The following TSPEAR variants were observed in gnomAD, a reference collection of about 807,000 sequenced individuals.
TSPEAR encodes the protein thrombospondin type laminin G domain and EAR repeats.
Under a neutral mutation model 71.6 loss-of-function variants are expected in TSPEAR, and 69 were observed. That is an observed-to-expected ratio of 0.96 (90% CI 0.79 to 1.18). The LOEUF (loss-of-function observed/expected upper bound fraction) is 1.18. TSPEAR is among the 50% of genes most tolerant of loss of function. The pLI, the probability that TSPEAR is intolerant of heterozygous loss-of-function variation, is 0.00. For missense variants in TSPEAR, 971 were observed against 894.9 expected (o/e 1.09, Z -1.09); for synonymous variants, 402 against 387.2 (o/e 1.04, Z -0.45).
chr21:44,681,676 C>A, intron 1 of TSPEAR: 1 of 1,031,066 alleles, frequency 9.7e-7, no homozygotes, highest in Non-Finnish European at 1.4e-6. Flanking sequence ...GCCAGGGCTC[C>A]AGATCATTCT....
intron 4 of TSPEAR, 49 bp from the exon 5 acceptor site, chr21:44,530,003 C>T (rs1555915561): frequency 1.3e-6 from 2 of 1,491,398 alleles, no homozygotes; most frequent in Admixed American, 4.5e-5. Flanking sequence ...TGGGGAAGGA[C>T]CCGCTGAGGA....
At chr21:44,643,651 T>C (rs903896849) in intron 1 of TSPEAR, among the ~76,000 whole-genome samples, 2 of 152,216 alleles carry the variant, frequency 1.3e-5, no homozygotes, top group Admixed American at 6.5e-5. Context: ...ACTATACTCA[T>C]AAAATAGAAG....
At chr21:44,648,305 G>A (rs1434223226) in intron 1 of TSPEAR, among the ~76,000 whole-genome samples, 4 of 152,320 alleles carry the variant, frequency 2.6e-5, no homozygotes, top group South Asian at 2.1e-4. Flanking sequence ...GCACTAGTGA[G>A]ACCAGTCAGG....
intron 6 of TSPEAR, 105 bp from the exon 7 acceptor site, chr21:44,527,623 T>C: frequency 9.3e-7 from 1 of 1,070,396 alleles, no homozygotes; most frequent in South Asian, 1.4e-5. Flanking sequence ...AAGCCACGAC[T>C]CCTGCGCCTC....
chr21:44,630,525 A>G (rs1983194043), intron 1 of TSPEAR, among the ~76,000 whole-genome samples: 1 of 152,202 alleles, frequency 6.6e-6, no homozygotes, highest in Non-Finnish European at 1.5e-5. Flanking sequence ...TAAGGCCCCC[A>G]TGCATGCCCA....
rs1555914346 is a variant in TSPEAR at position 44,522,016 on chromosome 21, T to G, written c.1433A>C (p.Asp478Ala). 2.5e-6 allele frequency: 4 copies of G among 1,613,962 alleles called. No individual in the cohort carries two copies. Among genetic ancestry groups the G allele is most frequent in the Non-Finnish European group, 3.4e-6 (4 of 1,179,956 alleles). ...NQTIATSGAY[D>A]WEFFSVGPYS... ...GGGCCCCACACTGAAGAACTCCCAG[T>G]CGTAGGCGCCGGAGGTGGCGATGGT... Residue 478 changes from aspartate (D) to alanine (A), a missense_variant, in exon 9 of 12, where the codon GAC becomes GCC. Coordinates refer to ENST00000323084, the MANE Select transcript of TSPEAR (RefSeq NM_144991.3).
Position 44,601,690 on chromosome 21 carries a change from C to A in TSPEAR, c.83-33685G>T, listed in dbSNP as rs782724198. 2.2e-5 allele frequency: 35 copies of A among 1,612,340 alleles called. No homozygotes were observed. In the Admixed American group the frequency reaches 5.7e-4, roughly 26 times the overall value. On this transcript the variant is annotated intron_variant, in intron 1 of 11. Coordinates refer to ENST00000323084, the MANE Select transcript of TSPEAR (RefSeq NM_144991.3). Reference sequence around the variant, plus strand: ...CCTTTGCCGCCCCGCATGCTCCCGCCCGGCCTGCTGTGGCCCCACCTCAAC... The same window carrying A: ...CCTTTGCCGCCCCGCATGCTCCCGCACGGCCTGCTGTGGCCCCACCTCAAC...
chr21:44,550,728 G>C (rs782246773), intron 2 of TSPEAR: 10 of 1,613,996 alleles, frequency 6.2e-6, no homozygotes, highest in Non-Finnish European at 1.7e-6. Flanking sequence ...AAAGCTGCAG[G>C]AGGCTGGGCG....
Position 44,592,385 on chromosome 21 carries a change from C to T in TSPEAR, c.83-24380G>A, listed in dbSNP as rs202119760. On this transcript the variant is annotated intron_variant, in intron 1 of 11. Transcript: ENST00000323084. ...CAGCAGCTCTCTGGGCAGTCGTCCACCTGCCAGGAGTCGGAGCAAGAGTCA... is the reference window on the plus strand; with the variant it reads ...CAGCAGCTCTCTGGGCAGTCGTCCATCTGCCAGGAGTCGGAGCAAGAGTCA... 244 of 1,575,336 alleles carry T rather than the reference C, an allele frequency of 1.5e-4. No homozygotes were observed. In the African/African-American group the frequency reaches 3.1e-3, roughly 20 times the overall value.
intron 1 of TSPEAR, chr21:44,682,012 C>T (rs781948331): frequency 8.1e-6 from 13 of 1,609,622 alleles, no homozygotes; most frequent in South Asian, 2.2e-5. Context: ...TTGAAGCTCA[C>T]GGGCACGCAC....
At chr21:44,655,739 T>G (rs587726731) in intron 1 of TSPEAR, among the ~76,000 whole-genome samples, 1 of 150,980 alleles carries the variant, frequency 6.6e-6, no homozygotes, top group African/African-American at 2.4e-5. Flanking sequence ...TCTGTTCTCT[T>G]GATGGATTGG....
chr21:44,546,068 T>G lies in TSPEAR; in HGVS notation c.304-12145A>C, dbSNP rs1201881110. On this transcript the variant is annotated intron_variant, in intron 2 of 11. Coordinates refer to ENST00000323084, the MANE Select transcript of TSPEAR (RefSeq NM_144991.3). This position sits in a 1 kb window ranked among gnomAD's most constrained non-coding sequence, Gnocchi z 4.4. Reference sequence around the variant, plus strand: ...TTAAAAGATGACAGATTCAAATAATTAAAATCGTAAATGAAAATGGGAATA... The same window carrying G: ...TTAAAAGATGACAGATTCAAATAATGAAAATCGTAAATGAAAATGGGAATA... 6.6e-6 allele frequency among the ~76,000 whole-genome samples: 1 copy of G among 152,116 alleles called. No individual in the cohort carries two copies. The highest frequency in any genetic ancestry group is 1.5e-5 in the Non-Finnish European group (1 of 68,026).
intron 1 of TSPEAR, among the ~76,000 whole-genome samples, chr21:44,698,464 C>T (rs1258771984): frequency 2.0e-5 from 3 of 152,198 alleles, no homozygotes; most frequent in Non-Finnish European, 2.9e-5. Context: ...GGAGGGTCAA[C>T]GGAGCGGCCG....
intron 9 of TSPEAR, among the ~76,000 whole-genome samples, chr21:44,514,239 G>A (rs1469260904): frequency 1.3e-5 from 2 of 152,214 alleles, no homozygotes; most frequent in African/African-American, 4.8e-5. Context: ...TCATGAGGGT[G>A]CTTAGGGGCT....
At chr21:44,587,444 G>T (rs956057970) in intron 1 of TSPEAR, among the ~76,000 whole-genome samples, 2 of 152,168 alleles carry the variant, frequency 1.3e-5, no homozygotes, top group Non-Finnish European at 2.9e-5. Flanking sequence ...AATCAATGTT[G>T]TGAAAATGAC....
chr21:44,708,372 G>A (rs1180807679), intron 1 of TSPEAR, among the ~76,000 whole-genome samples: 1 of 152,084 alleles, frequency 6.6e-6, no homozygotes, highest in Non-Finnish European at 1.5e-5. Context: ...GAGCGGACTT[G>A]GAGACCTCGC....
chr21:44,570,084 G>A (rs1362338341), intron 1 of TSPEAR, among the ~76,000 whole-genome samples: 1 of 152,172 alleles, frequency 6.6e-6, no homozygotes, highest in Non-Finnish European at 1.5e-5. Context: ...TTTAGCTTGA[G>A]CACGACCAGG....
chr21:44,673,306 T>C lies in TSPEAR; in HGVS notation c.82+38127A>G, dbSNP rs368509490. The stretch of plus-strand genomic sequence containing the variant: ...AAGGATACTATACTCAGCAAAATTA[T>C]CCTCCATAAATAAACAGAAATAAAA... On this transcript the variant is annotated intron_variant, in intron 1 of 11. Transcript: ENST00000323084. Among the ~76,000 whole-genome samples the C allele has an allele frequency of 9.2e-5, 14 of 152,134 alleles. No homozygotes were observed. In the East Asian group the frequency reaches 9.6e-4, roughly 10 times the overall value.
chr21:44,527,499 G>T lies in TSPEAR; in HGVS notation c.942C>A (p.Tyr314Ter). 6.2e-7 allele frequency: 1 copy of T among 1,614,180 alleles called. No homozygotes were observed. Among genetic ancestry groups the T allele is most frequent in the South Asian group, 1.1e-5 (1 of 91,084 alleles). The change falls in exon 7 of 12, where the codon TAC (tyrosine) becomes TAA (stop). Residue 314 changes from tyrosine to a stop codon, truncating the protein, a stop_gained. Transcript: ENST00000323084. LOFTEE classifies it high-confidence loss of function. ...SVLAAKERLD[Y>*]VEEHQNLSTN... The stretch of plus-strand genomic sequence containing the variant: ...TGGACAAGTTCTGATGCTCCTCCAC[G>T]TAGTCCAGTCTTTCTTTGGCTTGTG...
Sources: allele counts gnomAD v4.1 joint callset (sites outside exome capture counted in the v4.1 genomes callset), GRCh38; gene constraint gnomAD v4.1.1; non-coding constraint Gnocchi (gnomAD v3.1); transcripts MANE v1.5; gene names NCBI Gene and HGNC (gene_info 2026-07-23, HGNC 2026-07-21).